Variants in PLCXD2 observed in about 807,000 individuals in gnomAD.
The protein encoded by PLCXD2 is phosphatidylinositol specific phospholipase C X domain containing 2, also known as PI-PLC X domain-containing protein 2.
PLCXD2 carries 21 observed loss-of-function variants against 28.6 expected under a neutral mutation model. That is an observed-to-expected ratio of 0.73 (90% confidence interval 0.52 to 1.06). PLCXD2 has a LOEUF of 1.06. PLCXD2 is among the 50% of genes least tolerant of loss of function. The pLI, the probability that PLCXD2 is intolerant of heterozygous loss-of-function variation, is 0.00. For missense variants in PLCXD2, 369 were observed against 376.7 expected, an observed-to-expected ratio of 0.98 and a Z score of 0.17; for synonymous variants, 140 against 150.1, an observed-to-expected ratio of 0.93 and a Z score of 0.49.
Position 111,703,855 on chromosome 3 carries a change from C to A in PLCXD2, c.164-4071C>A, listed in dbSNP as rs370244201. ...CTATTAGTAATGGCAATTTTTCTTA[C>A]CTGAAATATGCTGGTAATTTTCTCA... On this transcript the variant is annotated intron_variant, in intron 1 of 4. Transcript: ENST00000477665. Among the ~76,000 whole-genome samples the A allele has an allele frequency of 5.7e-4, 86 of 152,206 alleles. 2 individuals carry two copies. In the South Asian group the frequency reaches 0.018, roughly 32 times the overall value.
At chr3:111,695,615 GA>G (rs1353840461) in intron 1 of PLCXD2, among the ~76,000 whole-genome samples, 23 of 152,344 alleles carry the variant, frequency 1.5e-4, no homozygotes, top group African/African-American at 5.3e-4. Context: ...AAAACATACA[GA>G]AAAACTTCTG....
intron 1 of PLCXD2, among the ~76,000 whole-genome samples, chr3:111,698,950 A>C (rs1941003318): frequency 4.6e-5 from 7 of 152,166 alleles, no homozygotes; most frequent in Admixed American, 4.6e-4. Flanking sequence ...CCTAAGAACA[A>C]ATTTTTGCAA....
intron 1 of PLCXD2, among the ~76,000 whole-genome samples, chr3:111,679,955 C>T (rs992880397): frequency 6.6e-6 from 1 of 152,188 alleles, no homozygotes; most frequent in African/African-American, 2.4e-5. Flanking sequence ...TTCCACTGAC[C>T]TGACCTGGTC....
intron 1 of PLCXD2, among the ~76,000 whole-genome samples, chr3:111,690,538 G>A (rs892688963): frequency 1.3e-5 from 2 of 152,222 alleles, no homozygotes; most frequent in Non-Finnish European, 2.9e-5. Context: ...CCAGCATGAG[G>A]CTTTAGCAGG....
intron 2 of PLCXD2, 117 bp downstream of exon 2, chr3:111,708,503 T>C (rs1941153731): frequency 1.0e-6 from 1 of 1,003,584 alleles, no homozygotes; most frequent in Non-Finnish European, 1.4e-6. Context: ...GAGTGGATTG[T>C]TTGGAATATT....
At chr3:111,724,636 C>T (rs1326379545) in intron 3 of PLCXD2, 2 of 152,142 alleles carry the variant, frequency 1.3e-5, no homozygotes, top group Non-Finnish European at 2.9e-5. Flanking sequence ...AGAAGAAATT[C>T]AGATGGAAAT....
At position 111,717,979 on chromosome 3, in the gene PLCXD2, T is replaced by C. The variant is rs1262516798; in HGVS notation, c.866+3851T>C. Among the ~76,000 whole-genome samples the C allele has an allele frequency of 3.9e-4, 56 of 142,450 alleles. 1 individual carries two copies. In the Admixed American group the frequency reaches 4.0e-3, roughly 10 times the overall value. 93.5% of individuals were successfully genotyped at this position (142,450 alleles called of 152,430 possible). A position where few individuals can be genotyped will look rare whatever the true frequency, so the allele number is the denominator to read the frequency against. On this transcript the variant is annotated intron_variant, in intron 3 of 4. Coordinates refer to ENST00000477665, the MANE Select transcript of PLCXD2 (RefSeq NM_001185106.1). ...TTTCTACCTCACACTCTTCCAGTTA[T>C]GATTCCTTACCTTTTTTTTTTTACC... is the stretch of plus-strand genomic sequence containing the variant.
chr3:111,699,685 T>C (rs1941013574), intron 1 of PLCXD2, among the ~76,000 whole-genome samples: 1 of 152,196 alleles, frequency 6.6e-6, no homozygotes, highest in Non-Finnish European at 1.5e-5. Flanking sequence ...CCCGTGTGAC[T>C]TTGCTGCCAC....
At chr3:111,722,597 C>A (rs547769887) in intron 3 of PLCXD2, 1 of 152,220 alleles carries the variant, frequency 6.6e-6, no homozygotes, top group Non-Finnish European at 1.5e-5. Flanking sequence ...ATCTGAGAAT[C>A]CCTAAGGAAG....
rs113931082 is a variant in PLCXD2 at position 111,694,387 on chromosome 3, G to A, written c.164-13539G>A. Among the ~76,000 whole-genome samples the A allele has an allele frequency of 3.8e-3, 581 of 152,276 alleles. 3 individuals are homozygous for A. The highest frequency in any genetic ancestry group is 0.014 in the Middle Eastern group (4 of 294). ...GCTACCAGTATTCACTGTGCTTAGA[G>A]GAGAGTGGTGATTAAAAATGACTTT... is the stretch of plus-strand genomic sequence containing the variant. On this transcript the variant is annotated intron_variant, in intron 1 of 4. Coordinates refer to ENST00000477665, the MANE Select transcript of PLCXD2 (RefSeq NM_001185106.1).
intron 1 of PLCXD2, among the ~76,000 whole-genome samples, chr3:111,690,285 C>T (rs140990396): frequency 2.6e-5 from 4 of 152,146 alleles, no homozygotes; most frequent in African/African-American, 9.7e-5. Flanking sequence ...CCATTTGCTC[C>T]CATGTCGGGA....
intron 1 of PLCXD2, among the ~76,000 whole-genome samples, chr3:111,704,282 G>C (rs4450776): frequency 0.95 from 145,084 of 152,328 alleles, 69,141 homozygotes; most frequent in Middle Eastern, 0.97. Context: ...AGTGAAGCCA[G>C]CTGTGTGGAG....
At chr3:111,695,620 A>ACCCC (rs1940950186) in intron 1 of PLCXD2, among the ~76,000 whole-genome samples, 2 of 152,248 alleles carry the variant, frequency 1.3e-5, no homozygotes, top group African/African-American at 2.4e-5. Context: ...ATACAGAAAA[A>ACCCC]CTTCTGAAAA....
chr3:111,693,844 G>T (rs528175285), intron 1 of PLCXD2, among the ~76,000 whole-genome samples: 1 of 151,874 alleles, frequency 6.6e-6, no homozygotes, highest in Non-Finnish European at 1.5e-5. Context: ...CCACTCCCCA[G>T]CTAGGTCTAC....
At chr3:111,702,519 T>C (rs1941057730) in intron 1 of PLCXD2, among the ~76,000 whole-genome samples, 1 of 152,170 alleles carries the variant, frequency 6.6e-6, no homozygotes, top group South Asian at 2.1e-4. Context: ...CACTTAAATA[T>C]ATTTTAGACA....
intron 1 of PLCXD2, among the ~76,000 whole-genome samples, chr3:111,704,052 T>C (rs1941083448): frequency 6.6e-6 from 1 of 152,228 alleles, no homozygotes; most frequent in African/African-American, 2.4e-5. Context: ...CACAGAATGA[T>C]TTGTTTTCAA....
intron 1 of PLCXD2, among the ~76,000 whole-genome samples, chr3:111,693,815 C>T (rs558883101): frequency 9.9e-5 from 15 of 152,104 alleles, no homozygotes; most frequent in African/African-American, 3.4e-4. Flanking sequence ...CCTCCTTCAC[C>T]CCTTTGTGTG....
intron 2 of PLCXD2, among the ~76,000 whole-genome samples, chr3:111,712,451 C>T (rs970321147): frequency 6.6e-6 from 1 of 152,174 alleles, no homozygotes; most frequent in African/African-American, 2.4e-5. Context: ...GAAATCCTCC[C>T]CTTCCCCCAG....
intron 3 of PLCXD2, chr3:111,725,461 C>A (rs1036769716): frequency 3.0e-5 from 12 of 394,946 alleles, no homozygotes; most frequent in African/African-American, 1.9e-4. Flanking sequence ...CAAATGATAC[C>A]AAACAGCTCA....
Sources: allele counts gnomAD v4.1 joint callset (sites outside exome capture counted in the v4.1 genomes callset), GRCh38; gene constraint gnomAD v4.1.1; transcripts MANE v1.5; gene names NCBI Gene and HGNC (gene_info 2026-07-23, HGNC 2026-07-21).